The following TBC1D12 variants were observed in gnomAD, a reference collection of about 807,000 sequenced individuals.
TBC1D12 encodes the protein TBC1 domain family member 12, also known as TBC1 domain family, member 12.
A neutral mutation model predicts 86.7 loss-of-function variants in TBC1D12; 56 were observed. The ratio of observed to expected loss-of-function variants is 0.65; its 90% CI spans 0.52 to 0.81. The LOEUF is 0.81. Among genes scored for constraint, TBC1D12 ranks in the 30% least tolerant of loss-of-function variants. The pLI is 0.00. For missense variants in TBC1D12, 1,023 were observed against 1,038.8 expected (o/e 0.98, Z 0.21); for synonymous variants, 421 against 411.7 (o/e 1.02, Z -0.27).
intron 9 of TBC1D12, 40 bp from the exon 10 acceptor site, chr10:94,521,915 A>G: frequency 6.6e-7 from 1 of 1,526,314 alleles, no homozygotes; most frequent in Non-Finnish European, 8.9e-7. Context: ...TAGATTTATT[A>G]TTGTAAGTCC....
At chr10:94,414,326 G>C (rs754238223) in intron 1 of TBC1D12, among the ~76,000 whole-genome samples, 2 of 152,198 alleles carry the variant, frequency 1.3e-5, no homozygotes, top group Non-Finnish European at 2.9e-5. Flanking sequence ...GAAACTATTA[G>C]AGAATGAGTT....
intron 1 of TBC1D12, among the ~76,000 whole-genome samples, chr10:94,430,628 TAGG>T (rs938464383): frequency 6.6e-6 from 1 of 152,200 alleles, no homozygotes; most frequent in African/African-American, 2.4e-5. Flanking sequence ...GAAGAAATTT[TAGG>T]AGAATACAAG....
intron 1 of TBC1D12, among the ~76,000 whole-genome samples, chr10:94,416,607 A>G (rs538168183): frequency 3.3e-3 from 501 of 152,328 alleles, no homozygotes; most frequent in Non-Finnish European, 4.0e-3. Context: ...TATGTATACT[A>G]GGCACATAGG....
At chr10:94,443,867 A>G (rs1217530890) in intron 2 of TBC1D12, among the ~76,000 whole-genome samples, 1 of 152,200 alleles carries the variant, frequency 6.6e-6, no homozygotes, top group African/African-American at 2.4e-5. Context: ...TTGGTAATTA[A>G]TTGCGGTTAT....
intron 9 of TBC1D12, among the ~76,000 whole-genome samples, chr10:94,512,669 CT>C (rs2056540658): frequency 6.6e-6 from 1 of 152,120 alleles, no homozygotes; most frequent in East Asian, 1.9e-4. Flanking sequence ...AAGATAAGTG[CT>C]GTAGAAAAGT....
rs143490310 is a variant in TBC1D12, at chr10:94,481,345, GT to G, written c.1211+6563del. Among the ~76,000 whole-genome samples, 449 of 151,422 alleles carry G rather than the reference GT, an allele frequency of 3.0e-3. 3 individuals are homozygous for G. The highest frequency in any genetic ancestry group is 0.01 in the African/African-American group (424 of 41,478). On this transcript the variant is annotated intron_variant, in intron 3 of 12. Coordinates refer to ENST00000225235, the MANE Select transcript of TBC1D12 (RefSeq NM_015188.2). The stretch of plus-strand genomic sequence containing the variant: ...TCTTTTTCCAGTAGAAGGCTGTTTT[GT>G]CTACATTGAAAATCTGTTGTTTAGA...
At chr10:94,427,590 G>C (rs1165063820) in intron 1 of TBC1D12, among the ~76,000 whole-genome samples, 3 of 152,114 alleles carry the variant, frequency 2.0e-5, no homozygotes, top group East Asian at 1.9e-4. Flanking sequence ...CCAGCACTTT[G>C]GGAGGCCGAG....
intron 2 of TBC1D12, among the ~76,000 whole-genome samples, chr10:94,465,791 T>C (rs200778596): frequency 7.3e-6 from 1 of 136,100 alleles, no homozygotes; most frequent in Admixed American, 7.0e-5. Flanking sequence ...TACATACATA[T>C]ACGCATACAT....
intron 6 of TBC1D12, among the ~76,000 whole-genome samples, chr10:94,504,154 T>C (rs2056432791): frequency 6.6e-6 from 1 of 152,232 alleles, no homozygotes; most frequent in South Asian, 2.1e-4. Flanking sequence ...GAACATACTG[T>C]AATTGTTTAA....
intron 3 of TBC1D12, among the ~76,000 whole-genome samples, chr10:94,480,884 A>C (rs1335938593): frequency 6.6e-6 from 1 of 151,782 alleles, no homozygotes. Flanking sequence ...CTCAAAAAAA[A>C]AAAAAGACTT....
intron 5 of TBC1D12, among the ~76,000 whole-genome samples, chr10:94,498,374 G>A (rs2056351840): frequency 6.6e-6 from 1 of 152,006 alleles, no homozygotes; most frequent in African/African-American, 2.4e-5. Context: ...TCATTTTTAA[G>A]TTATTTTGCC....
chr10:94,442,099 T>TTA, intron 2 of TBC1D12, 80 bp downstream of exon 2: 1 of 745,980 alleles, frequency 1.3e-6, no homozygotes, highest in Non-Finnish European at 2.0e-6. Context: ...TTTTTTTTTT[T>TTA]AAACTAACCA....
At chr10:94,436,504 A>T (rs149137299) in intron 1 of TBC1D12, among the ~76,000 whole-genome samples, 3 of 152,174 alleles carry the variant, frequency 2.0e-5, no homozygotes, top group African/African-American at 7.2e-5. Context: ...TGGGTTTCTG[A>T]TGGGAATTGG....
In TBC1D12 at chr10:94,403,069, T is replaced by C; in HGVS notation, c.456T>C (p.Ala152=). 1 of 1,489,814 alleles carries C rather than the reference T, an allele frequency of 6.7e-7. No individual in the cohort carries two copies. The highest frequency in any genetic ancestry group is 8.9e-7 in the Non-Finnish European group (1 of 1,124,014). The allele number at this position is 1,489,814 out of a possible 1,614,324, so 92.3% of individuals were successfully genotyped here. A position where few individuals can be genotyped will look rare whatever the true frequency, so the allele number is the denominator to read the frequency against. Residue 152 remains alanine, a synonymous_variant, in exon 1 of 13, where the codon GCT becomes GCC. Transcript: ENST00000225235. ...PGRDCRDLEE[A]RGLARAGGRE... is the part of the protein sequence containing the mutation. ...GGGACTGTCGCGATCTGGAAGAGGC[T>C]CGCGGGCTGGCGCGCGCCGGCGGCC...
At chr10:94,516,368 A>G (rs574813238) in intron 9 of TBC1D12, among the ~76,000 whole-genome samples, 1 of 152,324 alleles carries the variant, frequency 6.6e-6, no homozygotes, top group Non-Finnish European at 1.5e-5. Context: ...AAAAAAACAA[A>G]ACAAATTTAT....
intron 1 of TBC1D12, among the ~76,000 whole-genome samples, chr10:94,424,966 G>A (rs1290203810): frequency 6.6e-6 from 1 of 152,176 alleles, no homozygotes; most frequent in African/African-American, 2.4e-5. Context: ...ATCAACAGGA[G>A]GTCCACCTTG....
At chr10:94,486,057 A>C (rs1175452990) in intron 3 of TBC1D12, among the ~76,000 whole-genome samples, 1 of 150,974 alleles carries the variant, frequency 6.6e-6, no homozygotes, top group Non-Finnish European at 1.5e-5. Context: ...AAAAAAACCA[A>C]CTTTTTGTTT....
intron 1 of TBC1D12, among the ~76,000 whole-genome samples, chr10:94,412,878 T>C (rs1170515776): frequency 6.6e-6 from 1 of 152,156 alleles, no homozygotes; most frequent in African/African-American, 2.4e-5. Flanking sequence ...ATTCTTAAAT[T>C]TAGTGTTTAA....
intron 12 of TBC1D12, 145 bp from the exon 13 acceptor site, chr10:94,532,883 T>G (rs1842466927): frequency 2.0e-6 from 1 of 492,982 alleles, no homozygotes; most frequent in South Asian, 3.2e-5. Flanking sequence ...TAGAAAAAAA[T>G]AAAGGGGATT....
Sources: gnomAD v4.1 joint callset for allele counts (sites outside exome capture counted in the v4.1 genomes callset) on GRCh38, gnomAD v4.1.1 for gene constraint, MANE v1.5 for transcripts, NCBI Gene and HGNC (gene_info 2026-07-23, HGNC 2026-07-21) for gene names.